The following TMC1 variants were observed in gnomAD, a reference collection of about 807,000 sequenced individuals.
TMC1 encodes transmembrane channel-like protein 1.
A neutral mutation model predicts 105.8 loss-of-function variants in TMC1; 84 were observed. The observed-to-expected ratio is 0.79, with a 90% CI of 0.67 to 0.95. The LOEUF (loss-of-function observed/expected upper bound fraction) is 0.95. TMC1 is among the 40% of genes least tolerant of loss of function. The probability of loss-of-function intolerance (pLI) is 0.00; values close to 1 mark genes in which losing one functional copy is unlikely to be tolerated. For synonymous variants in TMC1, 315 were observed against 311.5 expected, an observed-to-expected ratio of 1.01 and a Z score of -0.12; for missense variants, 817 against 914.1, an observed-to-expected ratio of 0.89 and a Z score of 1.37.
At chr9:72,715,870 G>A (rs11525989) in intron 8 of TMC1, among the ~76,000 whole-genome samples, 1,797 of 152,210 alleles carry the variant, frequency 0.012, 28 homozygotes, top group East Asian at 0.069. Flanking sequence ...CAGCCTTTTC[G>A]CACTGGTTTC....
chr9:72,786,946 A>C (rs992458701), intron 13 of TMC1, among the ~76,000 whole-genome samples: 1 of 151,818 alleles, frequency 6.6e-6, no homozygotes, highest in Non-Finnish European at 1.5e-5. Context: ...ATAGTGGCAT[A>C]TTAATCAAAT....
intron 5 of TMC1, among the ~76,000 whole-genome samples, chr9:72,671,044 A>G (rs923294189): frequency 1.3e-5 from 2 of 152,330 alleles, no homozygotes; most frequent in African/African-American, 4.8e-5. Flanking sequence ...AAGCATACAC[A>G]TTTACTTAAT....
intron 20 of TMC1, among the ~76,000 whole-genome samples, chr9:72,825,604 G>A (rs774744098): frequency 5.3e-5 from 8 of 152,104 alleles, no homozygotes; most frequent in Admixed American, 3.9e-4. Context: ...CTCTAACTAC[G>A]TTCATCAGCT....
intron 12 of TMC1, among the ~76,000 whole-genome samples, chr9:72,756,991 A>G (rs980008658): frequency 6.6e-6 from 1 of 152,188 alleles, no homozygotes; most frequent in African/African-American, 2.4e-5. Context: ...CAGCTCTCTC[A>G]CATCCAGTTT....
chr9:72,537,473 C>T (rs1403862561), intron 1 of TMC1, among the ~76,000 whole-genome samples: 2 of 152,172 alleles, frequency 1.3e-5, no homozygotes, highest in East Asian at 3.9e-4. Context: ...AACTTTAGGT[C>T]ACTCATTTGC....
At chr9:72,567,740 G>T (rs1824190472) in intron 1 of TMC1, among the ~76,000 whole-genome samples, 1 of 152,040 alleles carries the variant, frequency 6.6e-6, no homozygotes, top group Admixed American at 6.6e-5. Flanking sequence ...ATTTTGGTGG[G>T]GATACAGAGC....
intron 1 of TMC1, among the ~76,000 whole-genome samples, chr9:72,563,351 A>G (rs1824091160): frequency 6.6e-6 from 1 of 152,180 alleles, no homozygotes; most frequent in South Asian, 2.1e-4. Flanking sequence ...TGGCTTCATA[A>G]GAAGCATGGG....
chr9:72,606,864 C>T (rs1824922897), intron 2 of TMC1, among the ~76,000 whole-genome samples: 1 of 151,940 alleles, frequency 6.6e-6, no homozygotes, highest in African/African-American at 2.4e-5. Flanking sequence ...TCTCTCTGTT[C>T]CCTAGTTTTC....
chr9:72,613,288 G>A (rs1173027904), intron 2 of TMC1, among the ~76,000 whole-genome samples: 1 of 151,754 alleles, frequency 6.6e-6, no homozygotes, highest in African/African-American at 2.4e-5. Flanking sequence ...ACCATGCCTG[G>A]CTAATTTCTG....
At chr9:72,812,192 G>T (rs1340261064) in intron 18 of TMC1, among the ~76,000 whole-genome samples, 1 of 152,150 alleles carries the variant, frequency 6.6e-6, no homozygotes, top group Non-Finnish European at 1.5e-5. Flanking sequence ...GTGCTCATAG[G>T]CTTAGGCAGG....
chr9:72,678,843 T>C (rs949311986), intron 5 of TMC1, among the ~76,000 whole-genome samples: 126 of 152,194 alleles, frequency 8.3e-4, no homozygotes, highest in African/African-American at 2.9e-3. Flanking sequence ...TTTACAGTCA[T>C]GGCTAAAATG....
chr9:72,522,342 C>G (rs972353773), intron 1 of TMC1, among the ~76,000 whole-genome samples: 1 of 152,118 alleles, frequency 6.6e-6, no homozygotes, highest in African/African-American at 2.4e-5. Context: ...ACCTCGTGAT[C>G]CGCCCGCCTC....
chr9:72,648,501 A>G, intron 4 of TMC1, 96 bp from the exon 5 acceptor site: 1 of 734,316 alleles, frequency 1.4e-6, no homozygotes, highest in Non-Finnish European at 2.5e-6. Context: ...TAAGTTTCAG[A>G]TGGTGAAATG....
chr9:72,769,305 G>A (rs1340567782), intron 12 of TMC1, among the ~76,000 whole-genome samples: 1 of 152,220 alleles, frequency 6.6e-6, no homozygotes, highest in Non-Finnish European at 1.5e-5. Context: ...CAACAAGATT[G>A]TGAGCTCACC....
At chr9:72,582,528 T>C (rs1824492130) in intron 2 of TMC1, among the ~76,000 whole-genome samples, 1 of 152,170 alleles carries the variant, frequency 6.6e-6, no homozygotes, top group South Asian at 2.1e-4. Context: ...ATAGCCCCCT[T>C]GGAAGCTTTC....
At position 72,810,696 on chromosome 9, in the gene TMC1, C is replaced by T. The variant is rs771872509; in HGVS notation, c.1695+5186C>T. 2.0e-5 allele frequency among the ~76,000 whole-genome samples: 3 copies of T among 152,212 alleles called. No individual in the cohort carries two copies. In the East Asian group the frequency reaches 5.8e-4, roughly 29 times the overall value. ...ACTGATCATTTCCCAATGCTATTAACTGTTGTTTTGTAACATACCTTTTAA... is the reference window on the plus strand; with the variant it reads ...ACTGATCATTTCCCAATGCTATTAATTGTTGTTTTGTAACATACCTTTTAA... On this transcript the variant is annotated intron_variant, in intron 18 of 23. Coordinates refer to ENST00000297784, the MANE Select transcript of TMC1 (RefSeq NM_138691.3).
At chr9:72,679,166 T>C (rs970633021) in intron 5 of TMC1, among the ~76,000 whole-genome samples, 15 of 152,210 alleles carry the variant, frequency 9.9e-5, no homozygotes, top group African/African-American at 3.6e-4. Flanking sequence ...TCCCATTCTT[T>C]TCTCATATTT....
rs137976727 is a variant in TMC1 at position 72,700,345 on chromosome 9, A to G, written c.237-173A>G. Among the ~76,000 whole-genome samples the G allele has an allele frequency of 5.2e-3, 791 of 152,210 alleles. 6 individuals are homozygous for G. Among genetic ancestry groups the G allele is most frequent in the Non-Finnish European group, 7.0e-3 (475 of 68,008 alleles). On this transcript the variant is annotated intron_variant, in intron 7 of 23. Coordinates refer to ENST00000297784, the MANE Select transcript of TMC1 (RefSeq NM_138691.3). ...TACTGCTTAAAGTTATAATAGTTCC[A>G]GTAATCCTGCATCAGTGTTCAGATT...
At chr9:72,768,595 T>C (rs1427583760) in intron 12 of TMC1, among the ~76,000 whole-genome samples, 1 of 152,110 alleles carries the variant, frequency 6.6e-6, no homozygotes, top group African/African-American at 2.4e-5. Context: ...ATCATGACTC[T>C]GCCTGCCCCA....
Sources: allele counts gnomAD v4.1 joint callset (sites outside exome capture counted in the v4.1 genomes callset), GRCh38; gene constraint gnomAD v4.1.1; transcripts MANE v1.5; gene names NCBI Gene and HGNC (gene_info 2026-07-23, HGNC 2026-07-21).